PHF21B: variants seen among roughly 807,000 people sequenced by gnomAD.
The protein encoded by PHF21B is PHD finger protein 4.
PHF21B carries 22 observed loss-of-function variants against 62.2 expected under a neutral mutation model. The ratio of observed to expected loss-of-function variants is 0.35; its 90% confidence interval spans 0.25 to 0.51. PHF21B has a LOEUF of 0.51. PHF21B is among the 20% of genes least tolerant of loss of function. The pLI, the probability that PHF21B is intolerant of heterozygous loss-of-function variation, is 0.97. For missense variants in PHF21B, 701 were observed against 707.9 expected, an observed-to-expected ratio of 0.99 and a Z score of 0.11; for synonymous variants, 341 against 314.7, an observed-to-expected ratio of 1.08 and a Z score of -0.88.
rs377281597 is a variant in PHF21B at position 44,885,411 on chromosome 22, G to A, written c.1377+15C>T. The A allele has an allele frequency of 3.8e-4, 588 of 1,557,788 alleles. No individual in the cohort carries two copies. Among genetic ancestry groups the A allele is most frequent in the Admixed American group, 9.1e-4 (48 of 52,662 alleles). On this transcript the variant is annotated intron_variant, in intron 12 of 12. Coordinates refer to ENST00000313237, the MANE Select transcript of PHF21B (RefSeq NM_138415.5). ...GCAGGGCTGAGGCCAGCCTCCCCCA[G>A]GCCCCGGGGCACACCTGCACTGCTG...
At chr22:44,886,977 A>G (rs2147246948) in intron 10 of PHF21B, among the ~76,000 whole-genome samples, 1 of 152,188 alleles carries the variant, frequency 6.6e-6, no homozygotes, top group South Asian at 2.1e-4. Context: ...CAACATGGTG[A>G]AACCCCATCT....
At chr22:44,893,268 A>C (rs1357832204) in intron 7 of PHF21B, among the ~76,000 whole-genome samples, 189 bp downstream of exon 7, 1 of 152,108 alleles carries the variant, frequency 6.6e-6, no homozygotes, top group Non-Finnish European at 1.5e-5. Flanking sequence ...GCATCTTCCT[A>C]TCAATTGACT....
intron 2 of PHF21B, among the ~76,000 whole-genome samples, chr22:44,952,040 TA>T (rs1482443313): frequency 6.6e-6 from 1 of 152,164 alleles, no homozygotes; most frequent in Non-Finnish European, 1.5e-5. Context: ...GTGTTATGTA[TA>T]CAATTAAGAA....
chr22:44,962,282 T>C (rs112392634), intron 2 of PHF21B, among the ~76,000 whole-genome samples: 4 of 152,348 alleles, frequency 2.6e-5, no homozygotes, highest in African/African-American at 9.6e-5. Context: ...TTTTTAATGA[T>C]CTGTAGATGT....
intron 2 of PHF21B, among the ~76,000 whole-genome samples, chr22:44,975,075 C>CT (rs1290783334): frequency 1.3e-5 from 2 of 152,180 alleles, no homozygotes; most frequent in Admixed American, 1.3e-4. Context: ...CCCACCTTCT[C>CT]CTCTCTCTCC....
chr22:44,987,878 T>C (rs1434941053), intron 2 of PHF21B, among the ~76,000 whole-genome samples: 1 of 149,978 alleles, frequency 6.7e-6, no homozygotes, highest in African/African-American at 2.5e-5. Context: ...CCCCAGCAGG[T>C]GGGTAGATGG....
chr22:45,002,394 T>C (rs2073236410), intron 2 of PHF21B, among the ~76,000 whole-genome samples: 1 of 152,162 alleles, frequency 6.6e-6, no homozygotes, highest in African/African-American at 2.4e-5. Context: ...CCCACTCAAT[T>C]GCCTTCTGGG....
intron 8 of PHF21B, 115 bp downstream of exon 8, chr22:44,891,191 G>C: frequency 8.5e-7 from 1 of 1,176,644 alleles, no homozygotes; most frequent in Non-Finnish European, 1.2e-6. Context: ...CTCTGCCCAG[G>C]TCAGACCAGT....
chr22:44,981,197 GGA>G (rs967672904), intron 2 of PHF21B, among the ~76,000 whole-genome samples: 2 of 152,156 alleles, frequency 1.3e-5, no homozygotes, highest in African/African-American at 4.8e-5. Context: ...GGGGAGGAGA[GGA>G]GAGACCTAGA....
chr22:44,973,583 T>TG (rs1476180556), intron 2 of PHF21B, among the ~76,000 whole-genome samples: 1 of 151,802 alleles, frequency 6.6e-6, no homozygotes, highest in African/African-American at 2.4e-5. Flanking sequence ...CAGCGTGGGG[T>TG]GGGGGGCACA....
intron 2 of PHF21B, among the ~76,000 whole-genome samples, chr22:44,938,762 G>C (rs116091418): frequency 1.7e-4 from 26 of 152,324 alleles, no homozygotes; most frequent in African/African-American, 6.3e-4. Flanking sequence ...GCCATCTCTA[G>C]GAGGAGACCC....
chr22:44,917,654 C>T (rs149674099), intron 3 of PHF21B, among the ~76,000 whole-genome samples: 4 of 152,206 alleles, frequency 2.6e-5, no homozygotes, highest in Admixed American at 1.3e-4. Flanking sequence ...GGAGCCTCAC[C>T]GGTAATAATG....
intron 7 of PHF21B, among the ~76,000 whole-genome samples, 197 bp from the exon 8 acceptor site, chr22:44,891,557 CG>C (rs1190801909): frequency 1.3e-5 from 2 of 151,356 alleles, no homozygotes; most frequent in African/African-American, 4.8e-5. Flanking sequence ...GAGGATGGGG[CG>C]GGGCGGGGCA....
chr22:44,932,416 CTTGG>C (rs2071760593), intron 2 of PHF21B, among the ~76,000 whole-genome samples: 2 of 152,208 alleles, frequency 1.3e-5, no homozygotes, highest in Non-Finnish European at 2.9e-5. Flanking sequence ...AACCTGGGCC[CTTGG>C]ATCTGGAGTG....
At chr22:44,936,129 G>A (rs960701082) in intron 2 of PHF21B, among the ~76,000 whole-genome samples, 2 of 152,210 alleles carry the variant, frequency 1.3e-5, no homozygotes, top group Admixed American at 6.5e-5. Flanking sequence ...CTTTTTGGAG[G>A]GTCCTGAAGA....
At chr22:44,958,369 T>C (rs571864845) in intron 2 of PHF21B, among the ~76,000 whole-genome samples, 24 of 152,330 alleles carry the variant, frequency 1.6e-4, no homozygotes, top group African/African-American at 5.5e-4. Flanking sequence ...TCCTGTTAGT[T>C]GTGCTGAGAA....
At chr22:44,884,617 C>T (rs1324775188) in intron 12 of PHF21B, among the ~76,000 whole-genome samples, 1 of 151,380 alleles carries the variant, frequency 6.6e-6, no homozygotes, top group Non-Finnish European at 1.5e-5. Flanking sequence ...ACCATAATCA[C>T]CACCATAATC....
chr22:44,905,491 G>C (rs2071232255), intron 5 of PHF21B, among the ~76,000 whole-genome samples: 1 of 152,076 alleles, frequency 6.6e-6, no homozygotes, highest in Non-Finnish European at 1.5e-5. Flanking sequence ...TGTTGCTAGA[G>C]TATTTAGCAC....
intron 2 of PHF21B, among the ~76,000 whole-genome samples, chr22:44,941,118 A>G (rs1383772114): frequency 1.3e-5 from 2 of 152,172 alleles, no homozygotes; most frequent in Non-Finnish European, 2.9e-5. Flanking sequence ...CGTGCTCACA[A>G]TGACCATTCC....
Sources: allele counts gnomAD v4.1 joint callset (sites outside exome capture counted in the v4.1 genomes callset), GRCh38; gene constraint gnomAD v4.1.1; transcripts MANE v1.5; gene names NCBI Gene and HGNC (gene_info 2026-07-23, HGNC 2026-07-21).